The following MOB1B variants were observed in gnomAD, a reference collection of about 807,000 sequenced individuals.
MOB1B encodes the protein MOB1 Mps One Binder homolog B.
Under a neutral mutation model 24.4 loss-of-function variants are expected in MOB1B, and 19 were observed. The ratio of observed to expected loss-of-function variants is 0.78; its 90% CI spans 0.54 to 1.14. The LOEUF (loss-of-function observed/expected upper bound fraction) is 1.14. Ranked by LOEUF, MOB1B falls within the 50% of genes most tolerant of loss-of-function variation. The pLI, the probability that MOB1B is intolerant of heterozygous loss-of-function variation, is 0.00. For synonymous variants in MOB1B, 76 were observed against 82.1 expected (o/e 0.93, Z 0.40); for missense variants, 243 against 259.6 (o/e 0.94, Z 0.44).
At chr4:70,957,658 G>T (rs1202149766) in intron 1 of MOB1B, among the ~76,000 whole-genome samples, 1 of 151,734 alleles carries the variant, frequency 6.6e-6, no homozygotes, top group Admixed American at 6.6e-5. Context: ...GCCCAGGCTG[G>T]TCTCGAACTC....
At chr4:70,903,697 T>C (rs1381869158) in intron 1 of MOB1B, among the ~76,000 whole-genome samples, 1 of 152,194 alleles carries the variant, frequency 6.6e-6, no homozygotes, top group African/African-American at 2.4e-5. Context: ...GTCTGAATAC[T>C]GAGAATTTAA....
intron 5 of MOB1B, among the ~76,000 whole-genome samples, chr4:70,980,958 C>G (rs568131661): frequency 2.0e-5 from 3 of 152,120 alleles, no homozygotes; most frequent in South Asian, 4.2e-4. Flanking sequence ...GGGCTAGGCA[C>G]CTGGGGCTGG....
intron 2 of MOB1B, 140 bp from the exon 3 acceptor site, chr4:70,969,791 A>T: frequency 2.1e-6 from 1 of 482,476 alleles, no homozygotes; most frequent in Non-Finnish European, 3.6e-6. Context: ...ATTTCAATGT[A>T]TTGATACTTC....
At chr4:70,938,324 C>CGCCG in intron 1 of MOB1B, among the ~76,000 whole-genome samples, 2 of 32,016 alleles carry the variant, frequency 6.2e-5, no homozygotes, top group African/African-American at 2.0e-4. Context: ...CCCCCGCCCC[C>CGCCG]CCCCCCCCCC....
chr4:70,950,580 A>G (rs980333774), intron 1 of MOB1B: 2 of 445,522 alleles, frequency 4.5e-6, no homozygotes, highest in Non-Finnish European at 8.1e-6. Context: ...AAGAAAAATA[A>G]TAGCTTGTAT....
chr4:70,929,685 G>T (rs1347302521), intron 1 of MOB1B, among the ~76,000 whole-genome samples: 4 of 142,788 alleles, frequency 2.8e-5, no homozygotes, highest in African/African-American at 7.8e-5. Flanking sequence ...TCACTCTGTC[G>T]CCCAGGCTGG....
intron 1 of MOB1B, among the ~76,000 whole-genome samples, chr4:70,913,480 A>G (rs1736079050): frequency 2.0e-5 from 3 of 151,868 alleles, no homozygotes; most frequent in Admixed American, 6.6e-5. Flanking sequence ...AATTTTTTGT[A>G]GAGACAGCCC....
intron 5 of MOB1B, among the ~76,000 whole-genome samples, chr4:70,981,689 A>C (rs1053843075): frequency 2.6e-5 from 4 of 152,132 alleles, no homozygotes; most frequent in Non-Finnish European, 5.9e-5. Context: ...ATTTATTGTT[A>C]CTTTGTGTCA....
chr4:70,903,570 G>A (rs1055127274), intron 1 of MOB1B, among the ~76,000 whole-genome samples: 3 of 152,182 alleles, frequency 2.0e-5, no homozygotes, highest in Non-Finnish European at 4.4e-5. Flanking sequence ...AAAAAACTTA[G>A]AAGTTGAAAC....
intron 1 of MOB1B, chr4:70,950,853 A>G (rs1218615140): frequency 8.9e-7 from 1 of 1,119,072 alleles, no homozygotes; most frequent in South Asian, 1.3e-5. Context: ...AATAGTAGTG[A>G]AGTTCTTAAC....
rs1156705456 is a variant in MOB1B, at chr4:70,983,748, A to C, written c.*1691A>C. 6.6e-6 allele frequency: 1 copy of C among 152,616 alleles called. No homozygotes were observed. Among genetic ancestry groups the C allele is most frequent in the Non-Finnish European group, 1.5e-5 (1 of 67,990 alleles). The allele number at this position is 152,616 out of a possible 1,614,324, so 9.5% of individuals were successfully genotyped here. On this transcript the variant is annotated 3_prime_UTR_variant, in exon 6 of 6. Coordinates refer to ENST00000309395, the MANE Select transcript of MOB1B (RefSeq NM_173468.4). ...GCCATTACAATTATGTTGACTAGAA[A>C]CTGCCTTTTTCTCCACTTCATTTCT...
At position 70,970,005 on chromosome 4, in the gene MOB1B, G is replaced by A; in HGVS notation, c.256G>A (p.Val86Met). 3 of 1,591,584 alleles carry A rather than the reference G, an allele frequency of 1.9e-6. No homozygotes were observed. The highest frequency in any genetic ancestry group is 2.6e-6 in the Non-Finnish European group (3 of 1,165,616). ...CTTCTGTACAGAAGAGAGTTGTCCAGTGATGTCAGCTGGCCCAAAGTAAGA... is the reference window on the plus strand; with the variant it reads ...CTTCTGTACAGAAGAGAGTTGTCCAATGATGTCAGCTGGCCCAAAGTAAGA... ...TDFCTEESCPVMSAGPKYEYH... is the reference protein window; with the variant it reads ...TDFCTEESCPMMSAGPKYEYH... Residue 86 changes from valine (V) to methionine (M), a missense_variant, in exon 3 of 6, where the codon GTG (valine) becomes ATG (methionine). Physicochemically the swap from Val to Met is conservative, Grantham distance 21. Transcript: ENST00000309395.
At chr4:70,918,944 G>A (rs1370291655) in intron 1 of MOB1B, among the ~76,000 whole-genome samples, 2 of 152,122 alleles carry the variant, frequency 1.3e-5, no homozygotes, top group African/African-American at 2.4e-5. Flanking sequence ...TTAAGAAAAT[G>A]TGGCACATAT....
chr4:70,986,579 A>G lies in MOB1B; in HGVS notation c.*4522A>G, dbSNP rs758028151. 3.9e-5 allele frequency: 6 copies of G among 152,152 alleles called. No homozygotes were observed. Among genetic ancestry groups the G allele is most frequent in the Non-Finnish European group, 8.8e-5 (6 of 67,990 alleles). 9.4% of individuals were successfully genotyped at this position (152,152 alleles called of 1,614,324 possible). On this transcript the variant is annotated 3_prime_UTR_variant, in exon 6 of 6. Coordinates refer to ENST00000309395, the MANE Select transcript of MOB1B (RefSeq NM_173468.4). ...TACCAATTCTTAAAAACACAGATTT[A>G]TACTTTAAGCTTATTTTAAAATTAA...
intron 1 of MOB1B, among the ~76,000 whole-genome samples, chr4:70,918,913 A>G (rs920614523): frequency 2.0e-5 from 3 of 152,160 alleles, no homozygotes; most frequent in Admixed American, 1.3e-4. Flanking sequence ...AACCAACCCA[A>G]ATGTCCAACG....
chr4:70,958,643 T>A (rs1738169050), intron 1 of MOB1B: 1 of 601,926 alleles, frequency 1.7e-6, no homozygotes, highest in Admixed American at 2.1e-5. Flanking sequence ...TGTTTTTTCA[T>A]TAATTTATTG....
rs1245763294 is a variant in MOB1B, at chr4:70,988,121, C to G, written c.*6064C>G. 1 of 149,118 alleles carries G rather than the reference C, an allele frequency of 6.7e-6. No homozygotes were observed. Among genetic ancestry groups the G allele is most frequent in the Non-Finnish European group, 1.5e-5 (1 of 67,380 alleles). 9.2% of individuals were successfully genotyped at this position (149,118 alleles called of 1,614,324 possible). A position where few individuals can be genotyped will look rare whatever the true frequency, so the allele number is the denominator to read the frequency against. On this transcript the variant is annotated 3_prime_UTR_variant, in exon 6 of 6. Coordinates refer to ENST00000309395, the MANE Select transcript of MOB1B (RefSeq NM_173468.4). ...TTTTTTTTTTTTTAAAGAAGAAACT[C>G]AATGTTTATAAGAAAAAAATGAATA...
At chr4:70,914,983 A>G (rs1736141365) in intron 1 of MOB1B, among the ~76,000 whole-genome samples, 1 of 152,346 alleles carries the variant, frequency 6.6e-6, no homozygotes, top group South Asian at 2.1e-4. Flanking sequence ...TTTAGGATCA[A>G]TACTTCAGAA....
chr4:70,902,672 G>C (rs902919847), intron 1 of MOB1B, 122 bp downstream of exon 1: 27 of 950,538 alleles, frequency 2.8e-5, no homozygotes, highest in Middle Eastern at 7.0e-4. Context: ...CCGGGGCCCG[G>C]CGTCACCACC....
Sources: gnomAD v4.1 joint callset for allele counts (sites outside exome capture counted in the v4.1 genomes callset) on GRCh38, gnomAD v4.1.1 for gene constraint, MANE v1.5 for transcripts, NCBI Gene and HGNC (gene_info 2026-07-23, HGNC 2026-07-21) for gene names.